Variants in PCDHA1 observed in about 807,000 individuals in gnomAD.
The protein encoded by PCDHA1 is protocadherin alpha 1.
PCDHA1 carries 42 observed loss-of-function variants against 61.3 expected under a neutral mutation model. The ratio of observed to expected loss-of-function variants is 0.69; its 90% CI spans 0.54 to 0.89. The LOEUF (loss-of-function observed/expected upper bound fraction) is 0.89, where lower values mean the gene tolerates loss of function less well. PCDHA1 is among the 40% of genes least tolerant of loss of function. The probability of loss-of-function intolerance (pLI) is 0.00; values close to 1 mark genes in which losing one functional copy is unlikely to be tolerated. For synonymous variants in PCDHA1, 610 were observed against 553.8 expected, an observed-to-expected ratio of 1.10 and a Z score of -1.43; for missense variants, 1,256 against 1,235.3, an observed-to-expected ratio of 1.02 and a Z score of -0.25.
intron 1 of PCDHA1, chr5:140,969,097 C>G (rs2096295003): frequency 6.2e-7 from 1 of 1,614,072 alleles, no homozygotes; most frequent in African/African-American, 1.3e-5. Flanking sequence ...TGCAGCCTCA[C>G]TTCATTGAAG....
intron 1 of PCDHA1, chr5:140,802,310 G>C (rs1554122024): frequency 1.2e-6 from 2 of 1,614,220 alleles, no homozygotes; most frequent in Non-Finnish European, 8.5e-7. Context: ...TCATCGCTCT[G>C]ATCAGCGTGT....
chr5:140,824,164 C>T (rs2150132850), intron 1 of PCDHA1: 4 of 1,610,388 alleles, frequency 2.5e-6, no homozygotes, highest in South Asian at 1.1e-5. Flanking sequence ...CTTTCCCTCC[C>T]AATTTTCAAA....
chr5:140,836,961 G>A, intron 1 of PCDHA1: 1 of 400,098 alleles, frequency 2.5e-6, no homozygotes, highest in Non-Finnish European at 4.3e-6. Context: ...GTTTATGTTG[G>A]CTACTCTCCA....
intron 1 of PCDHA1, chr5:140,803,928 T>C: frequency 4.3e-6 from 2 of 464,504 alleles, no homozygotes; most frequent in Non-Finnish European, 7.6e-6. Context: ...TGTTTTATAC[T>C]TATCCCTATA....
rs1437399739 is a variant in PCDHA1, at chr5:140,853,000, TC to T, written c.2394+64319del. 9.7e-6 allele frequency: 3 copies of T among 308,008 alleles called. No homozygotes were observed. The East Asian group carries it at 5.1e-4, about 53-fold the overall frequency. 19.1% of individuals were successfully genotyped at this position (308,008 alleles called of 1,614,324 possible). ...TTCACGCCATTCTCCTGCCTCAGCC[TC>T]CCGAGTAGCTGGGACTACAGGCGCC... On this transcript the variant is annotated intron_variant, in intron 1 of 3. Transcript: ENST00000504120.
At chr5:140,863,178 C>A (rs1420894530) in intron 1 of PCDHA1, 10 of 736,748 alleles carry the variant, frequency 1.4e-5, no homozygotes, top group Admixed American at 1.3e-4. Context: ...TGACTGCCAC[C>A]GTCACCGTGG....
At chr5:140,838,413 C>G (rs1304271115) in intron 1 of PCDHA1, among the ~76,000 whole-genome samples, 1 of 151,456 alleles carries the variant, frequency 6.6e-6, no homozygotes, top group East Asian at 1.9e-4. Flanking sequence ...AGTGAGCCAC[C>G]GCATCCGGCC....
At chr5:140,807,235 C>T in intron 1 of PCDHA1, 1 of 1,614,190 alleles carries the variant, frequency 6.2e-7, no homozygotes, top group Non-Finnish European at 8.5e-7. Flanking sequence ...GTCTGCTGCT[C>T]TTACTTCTTC....
At chr5:140,805,945 A>G (rs930683967) in intron 1 of PCDHA1, among the ~76,000 whole-genome samples, 3 of 152,244 alleles carry the variant, frequency 2.0e-5, no homozygotes, top group African/African-American at 4.8e-5. Flanking sequence ...CCTCTGAGCT[A>G]TTAAACAATT....
At chr5:140,883,485 CATT>C in intron 1 of PCDHA1, 1 of 1,614,190 alleles carries the variant, frequency 6.2e-7, no homozygotes. Flanking sequence ...AACTACTACT[CATT>C]AGTGCTGGAC....
intron 1 of PCDHA1, chr5:140,841,802 G>A: frequency 6.2e-7 from 1 of 1,613,944 alleles, no homozygotes; most frequent in Non-Finnish European, 8.5e-7. Context: ...GTCCGATGCA[G>A]ATGTTGGAGC....
intron 1 of PCDHA1, among the ~76,000 whole-genome samples, chr5:140,880,237 T>C (rs2058279701): frequency 6.6e-6 from 1 of 152,148 alleles, no homozygotes; most frequent in Non-Finnish European, 1.5e-5. Flanking sequence ...AATTAGTGTA[T>C]GTGCGTGTGT....
intron 1 of PCDHA1, chr5:140,805,000 T>C: frequency 1.3e-6 from 2 of 1,533,732 alleles, no homozygotes; most frequent in Non-Finnish European, 1.7e-6. Context: ...TTTTAAAAAT[T>C]TAGTTCTGTT....
intron 1 of PCDHA1, chr5:140,929,229 C>T: frequency 6.2e-7 from 1 of 1,613,880 alleles, no homozygotes; most frequent in South Asian, 1.1e-5. Context: ...ATGCTGCCGA[C>T]CTGCGAAATC....
At chr5:140,874,305 A>G (rs2054830761) in intron 1 of PCDHA1, among the ~76,000 whole-genome samples, 1 of 152,116 alleles carries the variant, frequency 6.6e-6, no homozygotes, top group Non-Finnish European at 1.5e-5. Context: ...CTTGTTCACA[A>G]TGAGTTGTAG....
rs1554118006 is a variant in PCDHA1 at position 140,787,842 on chromosome 5, T to C, written c.1552T>C (p.Tyr518His). 6.2e-7 allele frequency: 1 copy of C among 1,612,508 alleles called. No individual in the cohort carries two copies. Among genetic ancestry groups the C allele is most frequent in the Non-Finnish European group, 8.5e-7 (1 of 1,179,760 alleles). ...VSVHAESGKV[Y>H]ALQPLDHEEL... is the part of the protein sequence containing the mutation. The stretch of plus-strand genomic sequence containing the variant: ...AGTGCACGCGGAGAGCGGCAAGGTG[T>C]ACGCACTGCAGCCCCTGGACCACGA... Residue 518 changes from tyrosine (Y) to histidine (H), a missense_variant, in exon 1 of 4, where the codon TAC (tyrosine) becomes CAC (histidine). Transcript: ENST00000504120.
chr5:140,870,082 C>A lies in PCDHA1; in HGVS notation c.2394+81398C>A, dbSNP rs1326686779. 1.9e-6 allele frequency: 3 copies of A among 1,613,708 alleles called. No individual in the cohort carries two copies. In the Admixed American group the frequency reaches 5.0e-5, roughly 27 times the overall value. ...AGTACAGGCTACAGATAAGGGGACT[C>A]CCCCAATGGCAGGTCACTGTACAGT... On this transcript the variant is annotated intron_variant, in intron 1 of 3. Transcript: ENST00000504120.
intron 3 of PCDHA1, among the ~76,000 whole-genome samples, chr5:140,990,233 G>A (rs782139012): frequency 5.3e-5 from 8 of 152,128 alleles, no homozygotes; most frequent in Non-Finnish European, 8.8e-5. Flanking sequence ...TGTAACTAGC[G>A]TTGTATTCCT....
At chr5:140,982,439 G>T in intron 2 of PCDHA1, 36 bp from the exon 3 acceptor site, 1 of 1,613,560 alleles carries the variant, frequency 6.2e-7, no homozygotes, top group Non-Finnish European at 8.5e-7. Context: ...AAGAATTTAT[G>T]ATCTAACCGT....
Sources: gnomAD v4.1 joint callset for allele counts (sites outside exome capture counted in the v4.1 genomes callset) on GRCh38, gnomAD v4.1.1 for gene constraint, MANE v1.5 for transcripts, NCBI Gene and HGNC (gene_info 2026-07-23, HGNC 2026-07-21) for gene names.